Variants in ZNF385D observed in about 807,000 individuals in gnomAD.
The protein encoded by ZNF385D is zinc finger protein 659.
A neutral mutation model predicts 35.8 loss-of-function variants in ZNF385D; 15 were observed. That is an observed-to-expected ratio of 0.42 (90% CI 0.28 to 0.64). The LOEUF is 0.64. ZNF385D is among the 30% of genes least tolerant of loss of function. The pLI is 0.23. For synonymous variants in ZNF385D, 212 were observed against 186.8 expected (o/e 1.13, Z -1.10); for missense variants, 474 against 494.6 (o/e 0.96, Z 0.39).
intron 3 of ZNF385D, among the ~76,000 whole-genome samples, chr3:22,063,136 G>C (rs560420763): frequency 1.3e-5 from 2 of 152,240 alleles, no homozygotes; most frequent in Non-Finnish European, 2.9e-5. Context: ...AGACATTCCT[G>C]AATCAGCCAA....
intron 1 of ZNF385D, among the ~76,000 whole-genome samples, chr3:21,731,358 G>A (rs1440451112): frequency 6.6e-6 from 1 of 152,056 alleles, no homozygotes; most frequent in East Asian, 1.9e-4. Context: ...TTTTAGAGCA[G>A]TTTTAGGCTC....
intron 2 of ZNF385D, among the ~76,000 whole-genome samples, chr3:22,194,312 T>C (rs1696260536): frequency 6.6e-6 from 1 of 151,852 alleles, no homozygotes; most frequent in Admixed American, 6.6e-5. Context: ...ACGCAAACTA[T>C]ATTTACCCTA....
chr3:22,182,605 T>G (rs1455217119), intron 2 of ZNF385D, among the ~76,000 whole-genome samples: 4 of 152,036 alleles, frequency 2.6e-5, no homozygotes, highest in African/African-American at 7.2e-5. Flanking sequence ...GAATTTGACT[T>G]AGAGAGAGTA....
At chr3:22,179,867 A>G (rs1448126901) in intron 2 of ZNF385D, among the ~76,000 whole-genome samples, 1 of 152,206 alleles carries the variant, frequency 6.6e-6, no homozygotes, top group African/African-American at 2.4e-5. Flanking sequence ...TAACATCACA[A>G]TTAAAAGAAC....
At chr3:22,259,803 T>G (rs1348188284) in intron 2 of ZNF385D, among the ~76,000 whole-genome samples, 2 of 151,594 alleles carry the variant, frequency 1.3e-5, no homozygotes, top group African/African-American at 4.8e-5. Flanking sequence ...CAGTGCTTTG[T>G]CCACCATCAC....
intron 3 of ZNF385D, among the ~76,000 whole-genome samples, chr3:22,043,981 G>A (rs548859554): frequency 6.6e-6 from 1 of 152,090 alleles, no homozygotes; most frequent in East Asian, 1.9e-4. Context: ...AATAAAAAAA[G>A]GAACATTAGG....
At chr3:21,737,578 G>T (rs2069306573) in intron 1 of ZNF385D, among the ~76,000 whole-genome samples, 1 of 151,958 alleles carries the variant, frequency 6.6e-6, no homozygotes, top group Admixed American at 6.6e-5. Flanking sequence ...ACAACAAAAT[G>T]CACCTATGGT....
intron 2 of ZNF385D, among the ~76,000 whole-genome samples, chr3:22,342,337 T>C (rs1402747459): frequency 6.6e-6 from 1 of 151,458 alleles, no homozygotes; most frequent in Non-Finnish European, 1.5e-5. Context: ...AATTTCATTT[T>C]ACCAGTTACT....
intron 3 of ZNF385D, among the ~76,000 whole-genome samples, chr3:22,021,140 C>T (rs1195299460): frequency 6.6e-6 from 1 of 151,676 alleles, no homozygotes; most frequent in African/African-American, 2.4e-5. Flanking sequence ...TGAGAAACTA[C>T]TTAATGGGTA....
rs1432038283 is a variant in ZNF385D, at chr3:21,418,661, A to G, written c.*2553T>C. 1 of 152,156 alleles carries G rather than the reference A, an allele frequency of 6.6e-6. No individual in the cohort carries two copies. The highest frequency in any genetic ancestry group is 1.5e-5 in the Non-Finnish European group (1 of 68,002). The allele number at this position is 152,156 out of a possible 1,614,324, so 9.4% of individuals were successfully genotyped here. On this transcript the variant is annotated 3_prime_UTR_variant, in exon 8 of 8. Transcript: ENST00000281523. ...TGACCCAGGACACTGTGTATCCCAT[A>G]GGCCCTGATTTTTAGTGGACTGGCT...
intron 2 of ZNF385D, among the ~76,000 whole-genome samples, chr3:21,652,520 A>G (rs1283695532): frequency 1.3e-5 from 2 of 152,068 alleles, no homozygotes; most frequent in African/African-American, 2.4e-5. Flanking sequence ...CATGTGCACA[A>G]TGTGCAGGTT....
intron 3 of ZNF385D, among the ~76,000 whole-genome samples, chr3:21,869,839 TTAGAAG>T (rs1697589152): frequency 6.6e-6 from 1 of 152,086 alleles, no homozygotes; most frequent in Non-Finnish European, 1.5e-5. Flanking sequence ...AAAAGTGGTA[TTAGAAG>T]TAGTTCAATA....
At chr3:21,436,590 C>T (rs536063328) in intron 5 of ZNF385D, among the ~76,000 whole-genome samples, 29 of 152,078 alleles carry the variant, frequency 1.9e-4, no homozygotes, top group South Asian at 1.7e-3. Context: ...CTTAGAGTCA[C>T]GCAACTACAC....
chr3:21,469,891 C>T (rs549819394), intron 4 of ZNF385D, among the ~76,000 whole-genome samples: 2 of 151,762 alleles, frequency 1.3e-5, no homozygotes, highest in Admixed American at 6.6e-5. Context: ...CAAAGCAATC[C>T]TTCATTTCTT....
chr3:22,179,007 G>C (rs1018526849), intron 2 of ZNF385D, among the ~76,000 whole-genome samples: 1 of 152,156 alleles, frequency 6.6e-6, no homozygotes, highest in African/African-American at 2.4e-5. Flanking sequence ...ATAGTTTGAA[G>C]TCAGGCAGCG....
At chr3:21,763,688 G>A (rs1418962041) in intron 3 of ZNF385D, among the ~76,000 whole-genome samples, 7 of 152,018 alleles carry the variant, frequency 4.6e-5, no homozygotes, top group African/African-American at 1.7e-4. Context: ...ATACTCTCTG[G>A]AGGAAAAAAC....
chr3:21,810,790 T>C (rs1033597753), intron 3 of ZNF385D, among the ~76,000 whole-genome samples: 1 of 152,004 alleles, frequency 6.6e-6, no homozygotes. Context: ...CTACACAATA[T>C]TTATATTGAA....
At chr3:21,663,698 A>G (rs2066304135) in intron 2 of ZNF385D, among the ~76,000 whole-genome samples, 1 of 151,498 alleles carries the variant, frequency 6.6e-6, no homozygotes. Flanking sequence ...CAATTTCAAA[A>G]CGAGATTCGT....
At chr3:22,309,246 T>C (rs1296258779) in intron 2 of ZNF385D, among the ~76,000 whole-genome samples, 1 of 151,718 alleles carries the variant, frequency 6.6e-6, no homozygotes, top group Non-Finnish European at 1.5e-5. Context: ...CCATCTTCAA[T>C]TCTCTGTAGC....
Sources: allele counts gnomAD v4.1 joint callset (sites outside exome capture counted in the v4.1 genomes callset), GRCh38; gene constraint gnomAD v4.1.1; transcripts MANE v1.5; gene names NCBI Gene and HGNC (gene_info 2026-07-23, HGNC 2026-07-21).